HIVEP2: variants seen among roughly 807,000 people sequenced by gnomAD.
The protein encoded by HIVEP2 is transcription factor HIVEP2.
In HIVEP2, 14 loss-of-function variants were observed where a neutral mutation model predicts 180.7. That is an observed-to-expected ratio of 0.08 (90% confidence interval 0.05 to 0.12). The LOEUF is 0.12. HIVEP2 is among the 10% of genes least tolerant of loss of function. HIVEP2 has a pLI of 1.00. For missense variants in HIVEP2, 2,579 were observed against 3,008.5 expected, an observed-to-expected ratio of 0.86 and a Z score of 3.34; for synonymous variants, 1,184 against 1,136.4, an observed-to-expected ratio of 1.04 and a Z score of -0.84.
chr6:142,903,682 A>G (rs1488725428), intron 1 of HIVEP2, among the ~76,000 whole-genome samples: 1 of 152,224 alleles, frequency 6.6e-6, no homozygotes, highest in Non-Finnish European at 1.5e-5. Flanking sequence ...ACTAATTCTG[A>G]TATCAAGGTT....
At chr6:142,932,316 A>G (rs1249232493) in intron 1 of HIVEP2, among the ~76,000 whole-genome samples, 1 of 152,208 alleles carries the variant, frequency 6.6e-6, no homozygotes, top group African/African-American at 2.4e-5. Context: ...TTTGCATTAC[A>G]TTATTATACA....
intron 9 of HIVEP2, among the ~76,000 whole-genome samples, chr6:142,757,857 A>T (rs1369532895): frequency 6.6e-6 from 1 of 152,140 alleles, no homozygotes; most frequent in East Asian, 1.9e-4. Flanking sequence ...GTTGCTATAA[A>T]TTTTTACAAC....
At chr6:142,868,016 T>G (rs1776184017) in intron 1 of HIVEP2, among the ~76,000 whole-genome samples, 1 of 152,168 alleles carries the variant, frequency 6.6e-6, no homozygotes, top group South Asian at 2.1e-4. Context: ...TAATCTGGCA[T>G]AGATTAGAAA....
At chr6:142,935,481 G>A (rs188314756) in intron 1 of HIVEP2, among the ~76,000 whole-genome samples, 37 of 152,238 alleles carry the variant, frequency 2.4e-4, no homozygotes, top group Admixed American at 1.3e-3. Context: ...CCCGGTAGTC[G>A]GAGGTTGCAG....
intron 1 of HIVEP2, among the ~76,000 whole-genome samples, chr6:142,913,830 A>G (rs916653837): frequency 1.3e-5 from 2 of 152,186 alleles, no homozygotes; most frequent in African/African-American, 4.8e-5. Flanking sequence ...GCATTTCTTC[A>G]TCGTCAACAT....
chr6:142,848,627 G>A (rs1408861390), intron 1 of HIVEP2, among the ~76,000 whole-genome samples: 1 of 152,094 alleles, frequency 6.6e-6, no homozygotes, highest in African/African-American at 2.4e-5. Context: ...GGTGGCTGAG[G>A]TGGGAGGATT....
intron 1 of HIVEP2, among the ~76,000 whole-genome samples, chr6:142,851,415 C>T (rs1490068746): frequency 1.3e-5 from 2 of 152,170 alleles, no homozygotes; most frequent in Admixed American, 6.5e-5. Flanking sequence ...TTTGGGCTGA[C>T]TACTGAAAAC....
chr6:142,889,143 G>A (rs543325841), intron 1 of HIVEP2, among the ~76,000 whole-genome samples: 78 of 152,316 alleles, frequency 5.1e-4, no homozygotes, highest in Non-Finnish European at 9.8e-4. Flanking sequence ...TTGAACTAAA[G>A]TGGACTGAAT....
rs149854965 is a variant in HIVEP2, at chr6:142,909,679, T to C, written c.-641+35420A>G. Among the ~76,000 whole-genome samples, 71 of 152,374 alleles carry C rather than the reference T, an allele frequency of 4.7e-4. 1 individual carries two copies. The East Asian group carries it at 0.013, about 29-fold the overall frequency. On this transcript the variant is annotated intron_variant, in intron 1 of 9. Coordinates refer to ENST00000367603, the MANE Select transcript of HIVEP2 (RefSeq NM_006734.4). ...CATAGCAAACCTACTCATTTATTTA[T>C]TTCCATTTACTAGGAAAATACTTAG...
At chr6:142,813,861 T>C (rs899727371) in intron 2 of HIVEP2, among the ~76,000 whole-genome samples, 20 of 152,088 alleles carry the variant, frequency 1.3e-4, no homozygotes, top group African/African-American at 4.3e-4. Flanking sequence ...CCACCATGCC[T>C]GGCCTCAGAT....
chr6:142,926,589 G>A (rs559572893), intron 1 of HIVEP2, among the ~76,000 whole-genome samples: 1 of 152,368 alleles, frequency 6.6e-6, no homozygotes, highest in East Asian at 1.9e-4. Flanking sequence ...GGCACCATCA[G>A]GCCCCACTTC....
At chr6:142,796,134 C>T (rs1776273926) in intron 2 of HIVEP2, among the ~76,000 whole-genome samples, 1 of 152,092 alleles carries the variant, frequency 6.6e-6, no homozygotes, top group African/African-American at 2.4e-5. Flanking sequence ...TAAGGAAACC[C>T]AAGCTGAAGA....
Position 142,774,550 on chromosome 6 carries a change from C to G in HIVEP2, c.189G>C (p.Leu63=), listed in dbSNP as rs749187423. The change falls in exon 5 of 10, where the codon CTG becomes CTC. Residue 63 remains leucine, a synonymous_variant. Coordinates refer to ENST00000367603, the MANE Select transcript of HIVEP2 (RefSeq NM_006734.4). This position sits in a 1 kb window ranked among gnomAD's most constrained non-coding sequence, Gnocchi z 5.1. ...GGGAGGCCAGTTTCCCAGAACCAAACAGTTGTGCTGATGCTGTGTTTCCGA... is the reference window on the plus strand; with the variant it reads ...GGGAGGCCAGTTTCCCAGAACCAAAGAGTTGTGCTGATGCTGTGTTTCCGA... ...EQIGNTASAQ[L]FGSGKLASPS... The G allele has an allele frequency of 6.2e-7, 1 of 1,614,082 alleles. No homozygotes were observed. The highest frequency in any genetic ancestry group is 8.5e-7 in the Non-Finnish European group (1 of 1,180,032).
chr6:142,927,261 C>A (rs938400910), intron 1 of HIVEP2, among the ~76,000 whole-genome samples: 1 of 152,138 alleles, frequency 6.6e-6, no homozygotes, highest in African/African-American at 2.4e-5. Context: ...GTTTGGAGGA[C>A]GCACTGGCCG....
chr6:142,878,329 A>T (rs1582935045), intron 1 of HIVEP2, among the ~76,000 whole-genome samples: 1 of 152,164 alleles, frequency 6.6e-6, no homozygotes, highest in African/African-American at 2.4e-5. Flanking sequence ...ACAGCTCTAC[A>T]CCCTTCTGTA....
chr6:142,811,255 T>C (rs1344206897), intron 2 of HIVEP2, among the ~76,000 whole-genome samples: 3 of 152,124 alleles, frequency 2.0e-5, no homozygotes, highest in Admixed American at 2.0e-4. Flanking sequence ...GCTGATGGCA[T>C]TCCACCATGG....
chr6:142,863,021 C>A (rs1435635626), intron 1 of HIVEP2, among the ~76,000 whole-genome samples: 2 of 136,680 alleles, frequency 1.5e-5, no homozygotes, highest in East Asian at 2.1e-4. Flanking sequence ...ATATTACATA[C>A]AATATGTAAT....
At chr6:142,919,781 T>C (rs749239816) in intron 1 of HIVEP2, among the ~76,000 whole-genome samples, 4 of 152,224 alleles carry the variant, frequency 2.6e-5, no homozygotes, top group Non-Finnish European at 4.4e-5. Flanking sequence ...TACCCTGACA[T>C]GGATCTTACT....
chr6:142,775,552 T>C (rs886282603), intron 4 of HIVEP2, among the ~76,000 whole-genome samples: 19 of 152,076 alleles, frequency 1.2e-4, no homozygotes, highest in Non-Finnish European at 1.8e-4. Flanking sequence ...ACAAACAATA[T>C]GTGGCCAGGC....
Sources: allele counts gnomAD v4.1 joint callset (sites outside exome capture counted in the v4.1 genomes callset), GRCh38; gene constraint gnomAD v4.1.1; non-coding constraint Gnocchi (gnomAD v3.1); transcripts MANE v1.5; gene names NCBI Gene and HGNC (gene_info 2026-07-23, HGNC 2026-07-21).